Variants in TK1 observed in about 807,000 individuals in gnomAD.
TK1 encodes the protein thymidine kinase 1.
Under a neutral mutation model 22.4 loss-of-function variants are expected in TK1, and 13 were observed. The observed-to-expected ratio is 0.58, with a 90% confidence interval of 0.38 to 0.92. The LOEUF is 0.92. Among genes scored for constraint, TK1 ranks in the 40% least tolerant of loss-of-function variants. TK1 has a pLI of 0.00. For missense variants in TK1, 251 were observed against 315.7 expected, an observed-to-expected ratio of 0.80 and a Z score of 1.55; for synonymous variants, 134 against 125.4, an observed-to-expected ratio of 1.07 and a Z score of -0.46.
At chr17:78,186,461 C>G (rs1488982404) in intron 2 of TK1, among the ~76,000 whole-genome samples, 1 of 151,982 alleles carries the variant, frequency 6.6e-6, no homozygotes, top group Non-Finnish European at 1.5e-5. Flanking sequence ...GGGGACACAA[C>G]TGGTTGCCAC....
rs371249313 is a variant in TK1, at chr17:78,185,206, G to A, written c.99-41C>T. The stretch of plus-strand genomic sequence containing the variant: ...GGGTCAGGTGAGGTCCACGGCGGGA[G>A]GAGTGGGAGAAGGAGACCCCTCCCC... On this transcript the variant is annotated intron_variant, in intron 2 of 6. Transcript: ENST00000301634. 1.2e-5 allele frequency: 19 copies of A among 1,543,442 alleles called. No homozygotes were observed. In the African/African-American group the frequency reaches 2.3e-4, roughly 19 times the overall value.
chr17:78,182,432 C>G (rs113409965), intron 4 of TK1, among the ~76,000 whole-genome samples, 157 bp downstream of exon 4: 1,986 of 150,510 alleles, frequency 0.013, 32 homozygotes, highest in South Asian at 0.071. Context: ...GACAGGGAAA[C>G]TAGAAAGGGG....
chr17:78,182,049 T>C (rs923015208), intron 4 of TK1, among the ~76,000 whole-genome samples: 1 of 152,048 alleles, frequency 6.6e-6, no homozygotes, highest in Non-Finnish European at 1.5e-5. Flanking sequence ...AGTCACTGCA[T>C]CTTGCCAGTA....
At position 78,174,654 on chromosome 17, in the gene TK1, C is replaced by T. The variant is rs1065769; in HGVS notation, c.*105G>A. 420,400 of 1,329,312 alleles carry T rather than the reference C, an allele frequency of 0.32. 67,808 individuals are homozygous for T. Among genetic ancestry groups the T allele is most frequent in the African/African-American group, 0.38 (25,535 of 67,322 alleles). 82.3% of individuals were successfully genotyped at this position (1,329,312 alleles called of 1,614,324 possible). ...TTCCCAGAAGGCCAAGGTGTGGTCA[C>T]CCTCCACGCCTCCCGACTTCCTCCT... On this transcript the variant is annotated 3_prime_UTR_variant, in exon 7 of 7. Coordinates refer to ENST00000301634, the MANE Select transcript of TK1 (RefSeq NM_003258.5).
chr17:78,174,687 C>G lies in TK1; in HGVS notation c.*72G>C. On this transcript the variant is annotated 3_prime_UTR_variant, in exon 7 of 7. Coordinates refer to ENST00000301634, the MANE Select transcript of TK1 (RefSeq NM_003258.5). ...GCCTCCCGACTTCCTCCTGGAGTGG[C>G]TGGGCAGCATGCAGGGCAGCGTCCA... The G allele has an allele frequency of 2.0e-6, 3 of 1,478,800 alleles. No homozygotes were observed. The highest frequency in any genetic ancestry group is 2.7e-6 in the Non-Finnish European group (3 of 1,108,888). The allele number at this position is 1,478,800 out of a possible 1,614,324, so 91.6% of individuals were successfully genotyped here.
chr17:78,175,309 G>C, intron 5 of TK1, 140 bp from the exon 6 acceptor site: 8 of 1,294,174 alleles, frequency 6.2e-6, no homozygotes, highest in Non-Finnish European at 8.3e-6. Context: ...AGAGCACCAT[G>C]CCCGGCTCTG....
intron 4 of TK1, among the ~76,000 whole-genome samples, chr17:78,176,339 C>A (rs1342244899): frequency 6.6e-6 from 1 of 152,142 alleles, no homozygotes. Flanking sequence ...TGGTTGAGTT[C>A]ATATGTCCAG....
chr17:78,180,356 C>A (rs1463180364), intron 4 of TK1, among the ~76,000 whole-genome samples: 7 of 152,242 alleles, frequency 4.6e-5, no homozygotes, highest in Non-Finnish European at 2.9e-5. Flanking sequence ...TTATATCAAA[C>A]CACCACATTG....
chr17:78,178,496 G>A (rs1232474604), intron 4 of TK1, among the ~76,000 whole-genome samples: 2 of 152,196 alleles, frequency 1.3e-5, no homozygotes, highest in African/African-American at 4.8e-5. Flanking sequence ...CCCAGAAAAC[G>A]GGAACAAGGC....
At chr17:78,177,809 C>T (rs1045711601) in intron 4 of TK1, among the ~76,000 whole-genome samples, 4 of 151,686 alleles carry the variant, frequency 2.6e-5, no homozygotes, top group Admixed American at 6.6e-5. Flanking sequence ...CTCCTGACCT[C>T]GTGATTCACC....
intron 6 of TK1, 36 bp downstream of exon 6, chr17:78,175,014 A>G (rs747606207): frequency 6.2e-7 from 1 of 1,605,512 alleles, no homozygotes; most frequent in Non-Finnish European, 8.5e-7. Context: ...CCATACCCCC[A>G]CCCCGCCGGC....
At chr17:78,186,679 GAA>G (rs2075799549) in intron 2 of TK1, 106 bp downstream of exon 2, 11 of 994,978 alleles carry the variant, frequency 1.1e-5, no homozygotes, top group Admixed American at 6.9e-5. Context: ...GAAGGGGAGG[GAA>G]GGGAAGGGGA....
At chr17:78,179,702 G>A in intron 4 of TK1, 1 of 985,450 alleles carries the variant, frequency 1.0e-6, no homozygotes, top group Non-Finnish European at 1.2e-6. Flanking sequence ...GCTCTGTGCT[G>A]GGAGGCAGGG....
chr17:78,175,311 C>T, intron 5 of TK1, 142 bp from the exon 6 acceptor site: 1 of 1,287,090 alleles, frequency 7.8e-7, no homozygotes, highest in South Asian at 1.5e-5. Context: ...AGCACCATGC[C>T]CGGCTCTGTC....
rs901184728 is a variant in TK1 at position 78,175,108 on chromosome 17, A to T, written c.455T>A (p.Val152Glu). 4 of 1,612,984 alleles carry T rather than the reference A, an allele frequency of 2.5e-6. No homozygotes were observed. Among genetic ancestry groups the T allele is most frequent in the Non-Finnish European group, 3.4e-6 (4 of 1,179,866 alleles). Residue 152 changes from valine (V) to glutamate (E), a missense_variant, in exon 6 of 7, where the codon GTG becomes GAG. Physicochemically the swap from Val to Glu is moderately radical, Grantham distance 121. Transcript: ENST00000301634. ...LAESVVKLTAVCMECFREAAY... is the reference protein window; with the variant it reads ...LAESVVKLTAECMECFREAAY... ...GGCTTCCCGGAAGCACTCCATGCAC[A>T]CCGCCGTCAGCTTCACCACGCTCTC... is the stretch of plus-strand genomic sequence containing the variant.
intron 3 of TK1, among the ~76,000 whole-genome samples, chr17:78,183,429 C>T (rs1453948774): frequency 3.3e-5 from 5 of 152,166 alleles, no homozygotes; most frequent in African/African-American, 9.7e-5. Flanking sequence ...CCAGACACAG[C>T]AGCTCATGCC....
rs2075688172 is a variant in TK1 at position 78,175,054 on chromosome 17, TTC to T, written c.507_508del (p.Lys170GlyfsTer196). 6.2e-7 allele frequency: 1 copy of T among 1,613,276 alleles called. No individual in the cohort carries two copies. Among genetic ancestry groups the T allele is most frequent in the Non-Finnish European group, 8.5e-7 (1 of 1,179,704 alleles). ...AGGGAAGGCAGGTGGAGCTACCTCC[TTC>T]TCTGTGCCGAGCCTCTTGGTATAGG... On this transcript the variant is annotated frameshift_variant, in exon 6 of 7. Coordinates refer to ENST00000301634, the MANE Select transcript of TK1 (RefSeq NM_003258.5). LOFTEE classifies it low-confidence loss of function (END_TRUNC).
rs553017273 is a variant in TK1 at position 78,174,494 on chromosome 17, C to T, written c.*265G>A. On this transcript the variant is annotated 3_prime_UTR_variant, in exon 7 of 7. Transcript: ENST00000301634. ...CTCACCCCAAGGAGAGGGAGTGTGC[C>T]AGATCCCAGGCCACCAAGCGGGGCC... 2.0e-5 allele frequency: 10 copies of T among 511,888 alleles called. No homozygotes were observed. The highest frequency in any genetic ancestry group is 3.5e-5 in the Non-Finnish European group (10 of 287,916). The allele number at this position is 511,888 out of a possible 1,614,324, so 31.7% of individuals were successfully genotyped here. A position where few individuals can be genotyped will look rare whatever the true frequency, so the allele number is the denominator to read the frequency against.
rs1345412582 is a variant in TK1 at position 78,175,146 on chromosome 17, C to T, written c.417G>A (p.Leu139=). Residue 139 remains leucine, a synonymous_variant, in exon 6 of 7, where the codon CTG becomes CTA. Transcript: ENST00000301634. Reference sequence around the variant, plus strand: ...TCACCACGCTCTCGGCCAGCGGCACCAGGTTCAGGATGGCCCCAAATGGCT... The same window carrying T: ...TCACCACGCTCTCGGCCAGCGGCACTAGGTTCAGGATGGCCCCAAATGGCT... ...QRKPFGAILN[L]VPLAESVVKL... is the part of the protein sequence containing the mutation. 1 of 1,613,266 alleles carries T rather than the reference C, an allele frequency of 6.2e-7. No individual in the cohort carries two copies. The highest frequency in any genetic ancestry group is 2.2e-5 in the East Asian group (1 of 44,846).
Sources: allele counts gnomAD v4.1 joint callset (sites outside exome capture counted in the v4.1 genomes callset), GRCh38; gene constraint gnomAD v4.1.1; transcripts MANE v1.5; gene names NCBI Gene and HGNC (gene_info 2026-07-23, HGNC 2026-07-21).